Variants in LAMA5 observed in about 807,000 individuals in gnomAD.
The protein encoded by LAMA5 is laminin subunit alpha 5.
Under a neutral mutation model 433.4 loss-of-function variants are expected in LAMA5, and 260 were observed. The ratio of observed to expected loss-of-function variants is 0.60; its 90% CI spans 0.54 to 0.66. The LOEUF (loss-of-function observed/expected upper bound fraction) is 0.66, where lower values mean the gene tolerates loss of function less well. Ranked by LOEUF, LAMA5 falls within the 30% of genes least tolerant of loss-of-function variation. The probability of loss-of-function intolerance (pLI) is 0.00; values close to 1 mark genes in which losing one functional copy is unlikely to be tolerated. For synonymous variants in LAMA5, 2,620 were observed against 2,226.6 expected (o/e 1.18, Z -4.97); for missense variants, 5,378 against 5,258.5 (o/e 1.02, Z -0.70).
Position 62,314,377 on chromosome 20 carries a change from C to T in LAMA5, c.8431G>A (p.Gly2811Ser). 6.2e-7 allele frequency: 1 copy of T among 1,613,490 alleles called. No individual in the cohort carries two copies. The highest frequency in any genetic ancestry group is 8.5e-7 in the Non-Finnish European group (1 of 1,179,942). ...DKKVHWVYQL[G>S]EAGPAVLSID... ...CTTAGGACTGCAGGGCCCGCCTCACCCAGCTGATACACCCAGTGCACCTTC... is the reference window on the plus strand; with the variant it reads ...CTTAGGACTGCAGGGCCCGCCTCACTCAGCTGATACACCCAGTGCACCTTC... Residue 2811 changes from glycine (G) to serine (S), a missense_variant, in exon 62 of 80, where the codon GGT becomes AGT. Physicochemically the swap from Gly to Ser is moderately conservative, Grantham distance 56. Coordinates refer to ENST00000252999, the MANE Select transcript of LAMA5 (RefSeq NM_005560.6).
Position 62,312,793 on chromosome 20 carries a change from TG to T in LAMA5, c.9079-14del. 6.3e-7 allele frequency: 1 copy of T among 1,594,898 alleles called. No homozygotes were observed. ...GGAACACCTGGATCTACAGGACCAG[TG>T]GGGGCTCCAGGGCCAGCTGTGTCCC... On this transcript the variant is annotated splice_polypyrimidine_tract_variant and intron_variant, in intron 66 of 79. Transcript: ENST00000252999.
At chr20:62,335,512 T>C (rs1408859185) in intron 18 of LAMA5, among the ~76,000 whole-genome samples, 12 of 62,710 alleles carry the variant, frequency 1.9e-4, no homozygotes, top group East Asian at 5.1e-4. Context: ...CCCAAGGAAA[T>C]CCCATACCCC....
chr20:62,336,507 G>C (rs1981657886), intron 17 of LAMA5, 62 bp from the exon 18 acceptor site: 1 of 1,416,048 alleles, frequency 7.1e-7, no homozygotes, highest in Non-Finnish European at 9.8e-7. Flanking sequence ...ACAAACCATA[G>C]AGCCATAGAG....
chr20:62,317,292 C>A lies in LAMA5; in HGVS notation c.7511+53G>T, dbSNP rs1848193657. The A allele has an allele frequency of 3.3e-6, 5 of 1,513,502 alleles. No homozygotes were observed. The African/African-American group carries it at 6.9e-5, about 21-fold the overall frequency. 93.8% of individuals were successfully genotyped at this position (1,513,502 alleles called of 1,614,324 possible). A position where few individuals can be genotyped will look rare whatever the true frequency, so the allele number is the denominator to read the frequency against. ...CCAGACCAGCTGGCCCTCCCAAGGC[C>A]CTGTCTGCATCCCCAGGGTGGGCCC... On this transcript the variant is annotated intron_variant, in intron 55 of 79. Transcript: ENST00000252999.
intron 6 of LAMA5, among the ~76,000 whole-genome samples, chr20:62,349,196 G>A (rs555059185): frequency 1.2e-4 from 18 of 151,022 alleles, no homozygotes; most frequent in African/African-American, 2.7e-4. Context: ...GCATGAACCC[G>A]GGAGGCGGAG....
intron 18 of LAMA5, 65 bp downstream of exon 18, chr20:62,336,274 AG>A: frequency 4.2e-6 from 5 of 1,191,580 alleles, no homozygotes; most frequent in Non-Finnish European, 6.0e-6. Flanking sequence ...CACTCCCTCC[AG>A]GATATACTTG....
Position 62,333,503 on chromosome 20 carries a change from G to A in LAMA5, c.3022-22C>T, listed in dbSNP as rs774901296. 4.5e-5 allele frequency: 72 copies of A among 1,602,410 alleles called. No individual in the cohort carries two copies. The East Asian group carries it at 7.0e-4, about 16-fold the overall frequency. On this transcript the variant is annotated intron_variant, in intron 24 of 79. Transcript: ENST00000252999. ...AGTCCTGCAGGGTGGAGGTGGTGCT[G>A]AGAGTGGTGGGCCCCACCCCCTGAC...
chr20:62,353,771 C>T (rs1984730876), intron 2 of LAMA5, among the ~76,000 whole-genome samples: 1 of 152,128 alleles, frequency 6.6e-6, no homozygotes, highest in Admixed American at 6.5e-5. Flanking sequence ...TAAGATGGGG[C>T]CCCTGCCCCC....
chr20:62,319,137 G>T, intron 51 of LAMA5, 124 bp from the exon 52 acceptor site: 2 of 1,040,416 alleles, frequency 1.9e-6, no homozygotes, highest in Non-Finnish European at 2.7e-6. Context: ...GAACCTGAGC[G>T]CACCTGGGTG....
At chr20:62,315,003 G>GGCACCGCGAGGGCCATGGGC in intron 59 of LAMA5, 25 bp downstream of exon 59, 1 of 1,577,968 alleles carries the variant, frequency 6.3e-7, no homozygotes, top group Non-Finnish European at 8.6e-7. Flanking sequence ...CTCCATCAGG[G>GGCACCGCGAGGGCCATGGGC]GCACCGCGAG....
Position 62,309,402 on chromosome 20 carries a change from G to A in LAMA5, c.11022C>T (p.Pro3674=), listed in dbSNP as rs764906504. The A allele has an allele frequency of 1.8e-5, 28 of 1,587,138 alleles. No individual in the cohort carries two copies. Among genetic ancestry groups the A allele is most frequent in the East Asian group, 1.6e-4 (7 of 44,482 alleles). The change falls in exon 80 of 80, where the codon CCC becomes CCT. Residue 3674 remains proline (P), a synonymous_variant. Transcript: ENST00000252999. ...CMRRLAVNRS[P]VAMTRSVEVH... is the part of the protein sequence containing the mutation. Reference sequence around the variant, plus strand: ...CCTCCACAGAGCGAGTCATGGCGACGGGGGACCGGTTCACCGCCAGCCTCC... The same window carrying A: ...CCTCCACAGAGCGAGTCATGGCGACAGGGGACCGGTTCACCGCCAGCCTCC...
intron 57 of LAMA5, 104 bp from the exon 58 acceptor site, chr20:62,316,162 GCAGA>G: frequency 1.3e-6 from 1 of 741,096 alleles, no homozygotes; most frequent in Non-Finnish European, 2.3e-6. Flanking sequence ...CTGACACACA[GCAGA>G]CAGATGGACA....
At chr20:62,348,118 C>A (rs1335533929) in intron 6 of LAMA5, among the ~76,000 whole-genome samples, 1 of 152,196 alleles carries the variant, frequency 6.6e-6, no homozygotes, top group Admixed American at 6.5e-5. Context: ...GCTGGCGATA[C>A]CCTGGGGTGT....
intron 53 of LAMA5, among the ~76,000 whole-genome samples, chr20:62,318,080 G>A (rs1186219719): frequency 1.0e-4 from 2 of 19,052 alleles, no homozygotes; most frequent in Non-Finnish European, 2.3e-4. Flanking sequence ...GAAATGAGAG[G>A]AGGAGAAGGG....
Position 62,311,704 on chromosome 20 carries a change from T to C in LAMA5, c.9716A>G (p.Glu3239Gly), listed in dbSNP as rs775647554. Residue 3239 changes from glutamate (E) to glycine (G), a missense_variant, in exon 71 of 80, where the codon GAG becomes GGG. By Grantham distance (98) the Glu-to-Gly change is moderately conservative (BLOSUM62 -2). Transcript: ENST00000252999. ...GPPPELQPQP[E>G]GPPRLLLGGL... Reference sequence around the variant, plus strand: ...TCCCAGGAGGAGCCTCGGGGGCCCCTCAGGCTGCGGCTGGAGCTCGGGGGG... The same window carrying C: ...TCCCAGGAGGAGCCTCGGGGGCCCCCCAGGCTGCGGCTGGAGCTCGGGGGG... The C allele has an allele frequency of 5.1e-6, 8 of 1,572,166 alleles. No individual in the cohort carries two copies. The South Asian group carries it at 5.8e-5, about 11-fold the overall frequency.
At position 62,329,839 on chromosome 20, in the gene LAMA5, C is replaced by T; in HGVS notation, c.4057G>A (p.Asp1353Asn). Residue 1353 changes from aspartate to asparagine, a missense_variant, in exon 32 of 80, where the codon GAC becomes AAC. Coordinates refer to ENST00000252999, the MANE Select transcript of LAMA5 (RefSeq NM_005560.6). ...ACAGTGAGCTCGCTGTGGGTCACGT[C>T]CAGCAGGGCCTGGCCCTCACACACC... ...LVVCEGQALL[D>N]VTHSELTVTV... is the part of the protein sequence containing the mutation. The T allele has an allele frequency of 6.2e-7, 1 of 1,612,552 alleles. No individual in the cohort carries two copies. The highest frequency in any genetic ancestry group is 8.5e-7 in the Non-Finnish European group (1 of 1,179,844).
chr20:62,360,956 C>T (rs966156593), intron 2 of LAMA5, among the ~76,000 whole-genome samples: 4 of 152,092 alleles, frequency 2.6e-5, no homozygotes, highest in African/African-American at 9.7e-5. Flanking sequence ...CCAGGCACAT[C>T]GGGCACTGCG....
Position 62,323,482 on chromosome 20 carries a change from T to C in LAMA5, c.6038A>G (p.Asn2013Ser), listed in dbSNP as rs746859172. Residue 2013 changes from asparagine (N) to serine (S), a missense_variant, in exon 45 of 80, where the codon AAC becomes AGC. Coordinates refer to ENST00000252999, the MANE Select transcript of LAMA5 (RefSeq NM_005560.6). ...GGTGCAGTTGCCGGGCAGCAGGGCG[T>C]TGCCGTAGAAGCCGGGGGCACAGAT... ...CEICAPGFYG[N>S]ALLPGNCTRC... 2.1e-5 allele frequency: 33 copies of C among 1,548,114 alleles called. No homozygotes were observed. The highest frequency in any genetic ancestry group is 2.8e-5 in the Non-Finnish European group (32 of 1,147,990).
rs770270506 is a variant in LAMA5 at position 62,318,934 on chromosome 20, G to A, written c.6951C>T (p.Ala2317=). The A allele has an allele frequency of 2.1e-5, 33 of 1,599,932 alleles. No homozygotes were observed. Among genetic ancestry groups the A allele is most frequent in the African/African-American group, 4.0e-5 (3 of 74,758 alleles). The part of the protein sequence containing the change: ...PSGEQLLRTL[A]EVERLLWEMR... ...TCTCCCAGAGCAGCCGCTCCACCTCGGCCAGTGTCCGGAGCAGCTGCTCAC... is the reference window on the plus strand; with the variant it reads ...TCTCCCAGAGCAGCCGCTCCACCTCAGCCAGTGTCCGGAGCAGCTGCTCAC... The change falls in exon 52 of 80, where the codon GCC becomes GCT. Residue 2317 remains alanine, a synonymous_variant. Coordinates refer to ENST00000252999, the MANE Select transcript of LAMA5 (RefSeq NM_005560.6).
Sources: allele counts gnomAD v4.1 joint callset (sites outside exome capture counted in the v4.1 genomes callset), GRCh38; gene constraint gnomAD v4.1.1; transcripts MANE v1.5; gene names NCBI Gene and HGNC (gene_info 2026-07-23, HGNC 2026-07-21).